EFNB2: variants seen among roughly 807,000 people sequenced by gnomAD.
EFNB2 encodes the protein ephrin-B2.
In EFNB2, 5 loss-of-function variants were observed where a neutral mutation model predicts 32.1. The observed-to-expected ratio is 0.16, with a 90% CI of 0.08 to 0.33. The LOEUF is 0.33. Among genes scored for constraint, EFNB2 ranks in the 10% least tolerant of loss-of-function variants. The probability of loss-of-function intolerance (pLI) is 1.00; values close to 1 mark genes in which losing one functional copy is unlikely to be tolerated. For synonymous variants in EFNB2, 168 were observed against 166.5 expected (o/e 1.01, Z -0.07); for missense variants, 263 against 422.6 (o/e 0.62, Z 3.31).
chr13:106,525,524 T>TA (rs1879671444), intron 1 of EFNB2, among the ~76,000 whole-genome samples: 1 of 152,242 alleles, frequency 6.6e-6, no homozygotes, highest in African/African-American at 2.4e-5. Flanking sequence ...GTGGACGTGA[T>TA]AGACACACGC....
At chr13:106,534,751 C>T (rs1459470577) in intron 1 of EFNB2, 92 bp downstream of exon 1, 14 of 1,435,504 alleles carry the variant, frequency 9.8e-6, no homozygotes, top group Non-Finnish European at 1.3e-5. Flanking sequence ...CAGAAACAGG[C>T]TCCGAGGCCC....
intron 1 of EFNB2, chr13:106,515,984 A>C (rs531398383): frequency 1.3e-5 from 2 of 152,382 alleles, no homozygotes; most frequent in East Asian, 1.9e-4. Context: ...CAAGTCCCAC[A>C]TGTGACTAAT....
intron 1 of EFNB2, among the ~76,000 whole-genome samples, chr13:106,523,130 T>C (rs1879588997): frequency 6.6e-6 from 1 of 152,014 alleles, no homozygotes; most frequent in Non-Finnish European, 1.5e-5. Flanking sequence ...ACAGGAGACA[T>C]TTTCCTGCAC....
At chr13:106,515,489 A>C (rs1301044584) in intron 1 of EFNB2, among the ~76,000 whole-genome samples, 1 of 152,194 alleles carries the variant, frequency 6.6e-6, no homozygotes, top group Non-Finnish European at 1.5e-5. Flanking sequence ...TGATGATTCC[A>C]AAAGCATTAA....
At chr13:106,515,463 C>G (rs1010511771) in intron 1 of EFNB2, among the ~76,000 whole-genome samples, 2 of 152,074 alleles carry the variant, frequency 1.3e-5, no homozygotes, top group Non-Finnish European at 2.9e-5. Flanking sequence ...TAAATCGTGA[C>G]AAAGCTCACT....
Position 106,493,097 on chromosome 13 carries a change from C to T in EFNB2, c.945G>A (p.Val315=), listed in dbSNP as rs1350112523. ...EKVSGDYGHP[V]YIVQEMPPQS... is the part of the protein sequence containing the mutation. ...GCGGGGGCATCTCCTGGACGATGTA[C>T]ACCGGGTGCCCGTAGTCCCCGCTGA... Residue 315 remains valine (V), a synonymous_variant, in exon 5 of 5, where the codon GTG becomes GTA. Transcript: ENST00000646441. The surrounding 1 kb of genome is among the most constrained non-coding windows in gnomAD (Gnocchi z 6.1). 1 of 1,613,984 alleles carries T rather than the reference C, an allele frequency of 6.2e-7. No individual in the cohort carries two copies.
At chr13:106,494,587 G>A (rs1454241599) in intron 4 of EFNB2, among the ~76,000 whole-genome samples, 2 of 152,208 alleles carry the variant, frequency 1.3e-5, no homozygotes, top group Non-Finnish European at 2.9e-5. Context: ...TTGACAACCA[G>A]CTTGATAAAA....
At chr13:106,500,466 C>G (rs557571148) in intron 2 of EFNB2, among the ~76,000 whole-genome samples, 3 of 152,050 alleles carry the variant, frequency 2.0e-5, no homozygotes, top group Non-Finnish European at 4.4e-5. Context: ...AAAAATGTAG[C>G]GTATTTGTAT....
At chr13:106,528,483 C>T (rs189054116) in intron 1 of EFNB2, among the ~76,000 whole-genome samples, 4 of 140,310 alleles carry the variant, frequency 2.9e-5, no homozygotes, top group African/African-American at 1.0e-4. Flanking sequence ...AAAAAAAAAA[C>T]AACAACAACA....
chr13:106,513,574 T>C (rs1879216874), intron 1 of EFNB2, among the ~76,000 whole-genome samples: 1 of 152,206 alleles, frequency 6.6e-6, no homozygotes, highest in African/African-American at 2.4e-5. Flanking sequence ...GAACTAAGAC[T>C]ACTGATACAA....
In EFNB2 at chr13:106,531,305, G is replaced by A. The variant is rs1193011778; in HGVS notation, c.122+3538C>T. On this transcript the variant is annotated intron_variant, in intron 1 of 4. Transcript: ENST00000646441. ...GAGGTATCGCTTTAGCTTAGTCTTT[G>A]TGCTCTGCCTGGCTCAGTTGTCCTG... Among the ~76,000 whole-genome samples, 4 of 152,188 alleles carry A rather than the reference G, an allele frequency of 2.6e-5. No individual in the cohort carries two copies. The East Asian group carries it at 7.7e-4, about 29-fold the overall frequency.
chr13:106,516,170 T>C (rs556311858), intron 1 of EFNB2: 1 of 152,342 alleles, frequency 6.6e-6, no homozygotes, highest in South Asian at 2.1e-4. Context: ...ACAGAACCAC[T>C]GAGTCGGTAC....
rs963021076 is a variant in EFNB2 at position 106,490,685 on chromosome 13, A to C, written c.*2355T>G. ...GAAAGGAGAGGTTGGGGTGATGGAA[A>C]GAATTACATATGTACTGTGGCTGGT... On this transcript the variant is annotated 3_prime_UTR_variant, in exon 5 of 5. Coordinates refer to ENST00000646441, the MANE Select transcript of EFNB2 (RefSeq NM_004093.4). 2.0e-5 allele frequency: 3 copies of C among 152,220 alleles called. No homozygotes were observed. The highest frequency in any genetic ancestry group is 2.0e-4 in the Admixed American group (3 of 15,268). 9.4% of individuals were successfully genotyped at this position (152,220 alleles called of 1,614,324 possible).
At chr13:106,502,618 G>A (rs1878818344) in intron 2 of EFNB2, among the ~76,000 whole-genome samples, 1 of 152,184 alleles carries the variant, frequency 6.6e-6, no homozygotes, top group South Asian at 2.1e-4. Context: ...TGGACACTGA[G>A]GGAGAAGGTC....
At chr13:106,526,882 C>T (rs146180080) in intron 1 of EFNB2, among the ~76,000 whole-genome samples, 1 of 152,190 alleles carries the variant, frequency 6.6e-6, no homozygotes, top group Non-Finnish European at 1.5e-5. Flanking sequence ...ACACTTCTGG[C>T]TCTGAAGGTC....
chr13:106,495,879 A>G (rs1211129155), intron 2 of EFNB2, 39 bp from the exon 3 acceptor site: 11 of 1,575,306 alleles, frequency 7.0e-6, no homozygotes, highest in Admixed American at 3.6e-5. Flanking sequence ...AAAAATAAAG[A>G]AAAATCAGGA....
rs551035496 is a variant in EFNB2 at position 106,494,859 on chromosome 13, C to T, written c.613+22G>A. The T allele has an allele frequency of 2.2e-5, 35 of 1,578,136 alleles. 2 individuals carry two copies. The South Asian group carries it at 3.0e-4, about 13-fold the overall frequency. ...AATGTGGTACCCACAGACCTCCATA[C>T]ACACAGATCATGCTGTTATACCTGG... On this transcript the variant is annotated intron_variant, in intron 4 of 4. Coordinates refer to ENST00000646441, the MANE Select transcript of EFNB2 (RefSeq NM_004093.4).
chr13:106,533,494 G>T (rs1683558500), intron 1 of EFNB2, among the ~76,000 whole-genome samples: 1 of 152,256 alleles, frequency 6.6e-6, no homozygotes, highest in Non-Finnish European at 1.5e-5. Flanking sequence ...TATGAGCGGT[G>T]TTGAAAGTGC....
chr13:106,516,301 C>T (rs7320751), intron 1 of EFNB2: 5 of 152,034 alleles, frequency 3.3e-5, no homozygotes, highest in African/African-American at 4.8e-5. Flanking sequence ...GGAAAAAGTT[C>T]TAAGTATTGG....
Sources: gnomAD v4.1 joint callset for allele counts (sites outside exome capture counted in the v4.1 genomes callset) on GRCh38, gnomAD v4.1.1 for gene constraint, Gnocchi (gnomAD v3.1) non-coding constraint, MANE v1.5 for transcripts, NCBI Gene and HGNC (gene_info 2026-07-23, HGNC 2026-07-21) for gene names.